The following RGS6 variants were observed in gnomAD, a reference collection of about 807,000 sequenced individuals.
The protein encoded by RGS6 is regulator of G-protein signaling 6.
A neutral mutation model predicts 78.5 loss-of-function variants in RGS6; 30 were observed. The observed-to-expected ratio is 0.38, with a 90% CI of 0.29 to 0.52. The LOEUF (loss-of-function observed/expected upper bound fraction) is 0.52, where lower values mean the gene tolerates loss of function less well. Among genes scored for constraint, RGS6 ranks in the 20% least tolerant of loss-of-function variants. The pLI is 0.85. For synonymous variants in RGS6, 206 were observed against 206.0 expected (o/e 1.00, Z 0.00); for missense variants, 495 against 609.7 (o/e 0.81, Z 1.98).
At chr14:72,001,100 C>T (rs890232670) in intron 2 of RGS6, among the ~76,000 whole-genome samples, 23 of 152,134 alleles carry the variant, frequency 1.5e-4, no homozygotes, top group African/African-American at 5.1e-4. Flanking sequence ...TTGGCCCTGT[C>T]GTGGGGCCGC....
intron 2 of RGS6, among the ~76,000 whole-genome samples, chr14:72,078,378 C>G (rs1018757215): frequency 6.6e-6 from 1 of 151,900 alleles, no homozygotes; most frequent in Non-Finnish European, 1.5e-5. Flanking sequence ...ATAAATTACC[C>G]AGTCTCAGGT....
At chr14:71,922,323 C>CA in the RGS6 span, among the ~76,000 whole-genome samples, 1 of 152,114 alleles carries the variant, frequency 6.6e-6, no homozygotes, top group African/African-American at 2.4e-5. Context: ...CAGTGTAACC[C>CA]AAGACAAAAC....
chr14:72,048,638 T>C (rs1038117916), intron 2 of RGS6, among the ~76,000 whole-genome samples: 1 of 152,216 alleles, frequency 6.6e-6, no homozygotes, highest in Non-Finnish European at 1.5e-5. Flanking sequence ...CTAGGTTAGC[T>C]TTCTTACAAT....
chr14:72,116,963 CAAAAAAAAAAAAAAA>C (rs56397216), intron 2 of RGS6, among the ~76,000 whole-genome samples: 2 of 78,364 alleles, frequency 2.6e-5, no homozygotes, highest in African/African-American at 1.1e-4. Context: ...GACTCCATCT[CAAAAAAAAAAAAAAA>C]AAAAAAAAAG....
intron 2 of RGS6, among the ~76,000 whole-genome samples, chr14:72,025,379 T>C (rs2089632557): frequency 6.6e-6 from 1 of 152,110 alleles, no homozygotes; most frequent in South Asian, 2.1e-4. Flanking sequence ...ATTAACATAA[T>C]GTACTTGCCG....
chr14:72,010,841 C>T (rs1046678357), intron 2 of RGS6, among the ~76,000 whole-genome samples: 24 of 152,254 alleles, frequency 1.6e-4, no homozygotes, highest in African/African-American at 5.3e-4. Flanking sequence ...ATTTTTTTCT[C>T]TATTGTTCTG....
At chr14:72,603,137 A>C in the RGS6 span, among the ~76,000 whole-genome samples, 2 of 152,158 alleles carry the variant, frequency 1.3e-5, no homozygotes, top group Non-Finnish European at 2.9e-5. Flanking sequence ...AAAGTTGGCC[A>C]TTTTGCCCCA....
intron 2 of RGS6, among the ~76,000 whole-genome samples, chr14:72,059,487 C>A (rs2093784033): frequency 6.6e-6 from 1 of 152,164 alleles, no homozygotes; most frequent in Non-Finnish European, 1.5e-5. Flanking sequence ...CCTGGCACTT[C>A]AAACAGGTAC....
chr14:72,144,768 G>A (rs961123170), intron 2 of RGS6, among the ~76,000 whole-genome samples: 1 of 149,472 alleles, frequency 6.7e-6, no homozygotes, highest in East Asian at 1.9e-4. Context: ...TTTTTGAAGC[G>A]GTATAACCAC....
chr14:72,053,079 CCCTT>C (rs1226350902), intron 2 of RGS6, among the ~76,000 whole-genome samples: 286 of 16,904 alleles, frequency 0.017, 5 homozygotes, highest in South Asian at 0.021. Context: ...CTCCCTCCCT[CCCTT>C]CCTTCCTTCC....
chr14:72,302,432 G>A (rs535115455), intron 2 of RGS6, among the ~76,000 whole-genome samples: 2 of 152,282 alleles, frequency 1.3e-5, no homozygotes, highest in South Asian at 4.1e-4. Flanking sequence ...AAAGTTCGTT[G>A]TCACTAAAAG....
intron 12 of RGS6, among the ~76,000 whole-genome samples, chr14:72,487,516 T>C (rs2096510177): frequency 6.6e-6 from 1 of 152,214 alleles, no homozygotes; most frequent in Non-Finnish European, 1.5e-5. Context: ...TATCCTGGAT[T>C]GCCCAGATGG....
intron 2 of RGS6, among the ~76,000 whole-genome samples, chr14:72,264,052 A>T (rs1466235097): frequency 6.6e-6 from 1 of 152,328 alleles, no homozygotes; most frequent in African/African-American, 2.4e-5. Flanking sequence ...CTGCAGAGAA[A>T]CACGTGAACA....
At chr14:72,477,880 G>C (rs536614761) in intron 11 of RGS6, among the ~76,000 whole-genome samples, 1 of 152,114 alleles carries the variant, frequency 6.6e-6, no homozygotes, top group Non-Finnish European at 1.5e-5. Flanking sequence ...CAAGGACATG[G>C]GTGTGACGTG....
chr14:72,298,808 G>C (rs1051946132), intron 2 of RGS6, among the ~76,000 whole-genome samples: 3 of 152,026 alleles, frequency 2.0e-5, no homozygotes, highest in African/African-American at 7.3e-5. Context: ...TTAAATAATT[G>C]GAAATGTTCT....
chr14:72,563,865 A>T lies in RGS6; in HGVS notation c.*1398A>T, dbSNP rs2097697917. 6.6e-6 allele frequency: 1 copy of T among 152,146 alleles called. No individual in the cohort carries two copies. 9.4% of individuals were successfully genotyped at this position (152,146 alleles called of 1,614,324 possible). On this transcript the variant is annotated 3_prime_UTR_variant, in exon 18 of 18. Transcript: ENST00000553525. ...GACATTCACTCCCCCACTTGCTATG[A>T]CTACCCTCCTTTGATCTATTTTTGG... is the stretch of plus-strand genomic sequence containing the variant.
intron 2 of RGS6, among the ~76,000 whole-genome samples, chr14:72,229,899 C>T (rs1336857316): frequency 6.6e-6 from 1 of 152,156 alleles, no homozygotes; most frequent in Admixed American, 6.5e-5. Context: ...AGGCATAAGA[C>T]TCGCTTCTCC....
intron 3 of RGS6, among the ~76,000 whole-genome samples, chr14:72,447,176 G>A (rs1177772845): frequency 6.6e-6 from 1 of 152,188 alleles, no homozygotes; most frequent in African/African-American, 2.4e-5. Flanking sequence ...AAGAAGAAGA[G>A]GGTGTTGGGA....
rs151304716 is a variant in RGS6, at chr14:72,400,970, C to G, written c.184+48776C>G. Among the ~76,000 whole-genome samples the G allele has an allele frequency of 6.2e-3, 947 of 152,322 alleles. 3 individuals carry two copies. Among genetic ancestry groups the G allele is most frequent in the African/African-American group, 0.022 (902 of 41,562 alleles). On this transcript the variant is annotated intron_variant, in intron 3 of 17. Transcript: ENST00000553525. Reference sequence around the variant, plus strand: ...CTCCACTGCTTCTCTGCAGAATTTCCTTGGCTGCTGGTTTTGGAAGTGTGT... The same window carrying G: ...CTCCACTGCTTCTCTGCAGAATTTCGTTGGCTGCTGGTTTTGGAAGTGTGT...
Sources: allele counts gnomAD v4.1 joint callset (sites outside exome capture counted in the v4.1 genomes callset), GRCh38; gene constraint gnomAD v4.1.1; transcripts MANE v1.5; gene names NCBI Gene and HGNC (gene_info 2026-07-23, HGNC 2026-07-21).